The following DHX9 variants were observed in gnomAD, a reference collection of about 807,000 sequenced individuals.
DHX9 encodes the protein ATP-dependent RNA helicase A.
DHX9 carries 27 observed loss-of-function variants against 148.7 expected under a neutral mutation model. The observed-to-expected ratio is 0.18, with a 90% CI of 0.13 to 0.25. The LOEUF (loss-of-function observed/expected upper bound fraction) is 0.25. Among genes scored for constraint, DHX9 ranks in the 10% least tolerant of loss-of-function variants. The pLI, the probability that DHX9 is intolerant of heterozygous loss-of-function variation, is 1.00. For missense variants in DHX9, 796 were observed against 1,559.6 expected, an observed-to-expected ratio of 0.51 and a Z score of 8.25; for synonymous variants, 529 against 516.6, an observed-to-expected ratio of 1.02 and a Z score of -0.33.
intron 26 of DHX9, 97 bp downstream of exon 26, chr1:182,883,732 TCTAA>T: frequency 1.3e-6 from 1 of 763,132 alleles, no homozygotes; most frequent in East Asian, 2.8e-5. Context: ...ACTAATTATA[TCTAA>T]CTTAATTATA....
chr1:182,877,247 A>G (rs1389836538), intron 19 of DHX9, among the ~76,000 whole-genome samples: 2 of 152,168 alleles, frequency 1.3e-5, no homozygotes, highest in Non-Finnish European at 2.9e-5. Context: ...ACCAGTGTTT[A>G]GCACATGACA....
intron 14 of DHX9, 57 bp downstream of exon 14, chr1:182,867,100 C>G (rs535975503): frequency 9.4e-7 from 1 of 1,059,024 alleles, no homozygotes; most frequent in African/African-American, 1.7e-5. Context: ...TAAGAGAAAT[C>G]AGTAGAATGT....
intron 14 of DHX9, among the ~76,000 whole-genome samples, chr1:182,867,570 T>C (rs1160066497): frequency 6.6e-6 from 1 of 152,072 alleles, no homozygotes; most frequent in Non-Finnish European, 1.5e-5. Flanking sequence ...GCCCGACTGA[T>C]TTTTGTATTT....
chr1:182,881,666 TTAAGA>T lies in DHX9; in HGVS notation c.2914+22_2914+26del. 1 of 1,572,620 alleles carries T rather than the reference TTAAGA, an allele frequency of 6.4e-7. No homozygotes were observed. Among genetic ancestry groups the T allele is most frequent in the Non-Finnish European group, 8.6e-7 (1 of 1,166,128 alleles). On this transcript the variant is annotated intron_variant, in intron 24 of 27. Transcript: ENST00000367549. Reference sequence around the variant, plus strand: ...CCAGAAGGTAAGACTTCTTCCATTCTTAAGATATCTTTAAAGTGACATTTATATAG... The same window carrying T: ...CCAGAAGGTAAGACTTCTTCCATTCTTATCTTTAAAGTGACATTTATATAG...
chr1:182,854,482 A>G (rs1668219411), intron 6 of DHX9, among the ~76,000 whole-genome samples: 1 of 152,164 alleles, frequency 6.6e-6, no homozygotes, highest in Non-Finnish European at 1.5e-5. Flanking sequence ...GTTTGTCCCT[A>G]GTTGATGTAA....
At chr1:182,841,347 G>A (rs1667924389) in intron 1 of DHX9, among the ~76,000 whole-genome samples, 2 of 152,190 alleles carry the variant, frequency 1.3e-5, no homozygotes, top group East Asian at 1.9e-4. Context: ...GGCATCGATA[G>A]CATGTAGTTG....
rs1179345703 is a variant in DHX9, at chr1:182,852,248, C to T, written c.268C>T (p.Pro90Ser). Residue 90 changes from proline (P) to serine (S), a missense_variant, in exon 4 of 28, where the codon CCA (proline) becomes TCA (serine). Pro to Ser is a moderately conservative substitution (Grantham distance 74). Transcript: ENST00000367549. ...TCTTTTGCAGGTAGCATCTCCGCCC[C>T]CACTTACTGATACTCCTGACACTAC... is the stretch of plus-strand genomic sequence containing the variant. ...VPAFGVASPP[P>S]LTDTPDTTAN... is the part of the protein sequence containing the mutation. 6.2e-7 allele frequency: 1 copy of T among 1,609,386 alleles called. No individual in the cohort carries two copies. Among genetic ancestry groups the T allele is most frequent in the South Asian group, 1.1e-5 (1 of 90,278 alleles).
chr1:182,867,565 A>T (rs1398847718), intron 14 of DHX9, among the ~76,000 whole-genome samples: 1 of 151,874 alleles, frequency 6.6e-6, no homozygotes, highest in Non-Finnish European at 1.5e-5. Context: ...ACCATGCCCG[A>T]CTGATTTTTG....
At chr1:182,859,403 T>A (rs945862845) in intron 11 of DHX9, among the ~76,000 whole-genome samples, 2 of 152,176 alleles carry the variant, frequency 1.3e-5, no homozygotes, top group Non-Finnish European at 2.9e-5. Flanking sequence ...AATAAAAAAT[T>A]AAAATGTTAA....
At chr1:182,841,120 T>A (rs1489982123) in intron 1 of DHX9, among the ~76,000 whole-genome samples, 1 of 152,056 alleles carries the variant, frequency 6.6e-6, no homozygotes, top group African/African-American at 2.4e-5. Context: ...TGAAACCCCG[T>A]GTCTACTAAA....
chr1:182,855,464 C>G, intron 6 of DHX9: 2 of 760,862 alleles, frequency 2.6e-6, no homozygotes, highest in Non-Finnish European at 3.2e-6. Flanking sequence ...GCATAACAGA[C>G]AGCAACACCA....
rs1306599361 is a variant in DHX9 at position 182,866,361 on chromosome 1, T to A, written c.1333-83T>A. On this transcript the variant is annotated intron_variant, in intron 12 of 27. Coordinates refer to ENST00000367549, the MANE Select transcript of DHX9 (RefSeq NM_001357.5). ...TATTCAACTAGCAGTAGGACAGATT[T>A]ACTACAATAATCCAAAAATGCTAAT... The A allele has an allele frequency of 1.4e-5, 20 of 1,441,388 alleles. 1 individual carries two copies. The East Asian group carries it at 4.7e-4, about 34-fold the overall frequency. 89.3% of individuals were successfully genotyped at this position (1,441,388 alleles called of 1,614,324 possible).
rs766502135 is a variant in DHX9 at position 182,852,356 on chromosome 1, G to A, written c.364+12G>A. 3 of 1,560,402 alleles carry A rather than the reference G, an allele frequency of 1.9e-6. No individual in the cohort carries two copies. The highest frequency in any genetic ancestry group is 2.6e-6 in the Non-Finnish European group (3 of 1,138,416). On this transcript the variant is annotated intron_variant, in intron 4 of 27. Transcript: ENST00000367549. ...GGCTCTCAAAGCAGGTAAGGGACTT[G>A]AATCCATGCACGTGGTGGAGAATAA...
At chr1:182,878,917 T>C (rs780789088) in intron 20 of DHX9, among the ~76,000 whole-genome samples, 9 of 152,244 alleles carry the variant, frequency 5.9e-5, no homozygotes, top group Non-Finnish European at 1.3e-4. Flanking sequence ...ACAAAAAGTC[T>C]TGTTGTCGTT....
chr1:182,856,012 A>G (rs1047458966), intron 6 of DHX9, among the ~76,000 whole-genome samples: 2 of 152,264 alleles, frequency 1.3e-5, no homozygotes, highest in Non-Finnish European at 2.9e-5. Flanking sequence ...TTCCAACTGC[A>G]GGCAGATGTG....
intron 12 of DHX9, among the ~76,000 whole-genome samples, chr1:182,860,968 TC>T (rs1668352256): frequency 6.6e-6 from 1 of 152,218 alleles, no homozygotes; most frequent in Admixed American, 6.5e-5. Context: ...AATTATTTTT[TC>T]CCCGATGGGT....
chr1:182,852,802 A>G (rs1259613957), intron 4 of DHX9, among the ~76,000 whole-genome samples: 1 of 152,206 alleles, frequency 6.6e-6, no homozygotes, highest in African/African-American at 2.4e-5. Context: ...TAGCAGCGAC[A>G]TTAATTGAGG....
chr1:182,847,496 A>T (rs1239131195), intron 3 of DHX9, among the ~76,000 whole-genome samples: 1 of 152,218 alleles, frequency 6.6e-6, no homozygotes, highest in Non-Finnish European at 1.5e-5. Flanking sequence ...GCCATGGAAG[A>T]GTCCTTCAGG....
At chr1:182,880,855 A>C (rs1364587553) in intron 22 of DHX9, among the ~76,000 whole-genome samples, 2 of 152,196 alleles carry the variant, frequency 1.3e-5, no homozygotes, top group Non-Finnish European at 2.9e-5. Context: ...CAAGCAGGCC[A>C]GGCAATGTGG....
Sources: gnomAD v4.1 joint callset for allele counts (sites outside exome capture counted in the v4.1 genomes callset) on GRCh38, gnomAD v4.1.1 for gene constraint, MANE v1.5 for transcripts, NCBI Gene and HGNC (gene_info 2026-07-23, HGNC 2026-07-21) for gene names.